Variants in PRIM2 observed in about 807,000 individuals in gnomAD.
The protein encoded by PRIM2 is DNA primase subunit 2, also known as DNA primase large subunit.
Under a neutral mutation model 67.3 loss-of-function variants are expected in PRIM2, and 39 were observed. The ratio of observed to expected loss-of-function variants is 0.58; its 90% CI spans 0.45 to 0.76. PRIM2 has a LOEUF of 0.76. Among genes scored for constraint, PRIM2 ranks in the 30% least tolerant of loss-of-function variants. The probability of loss-of-function intolerance (pLI) is 0.00; values close to 1 mark genes in which losing one functional copy is unlikely to be tolerated. For synonymous variants in PRIM2, 143 were observed against 198.7 expected, an observed-to-expected ratio of 0.72 and a Z score of 2.36; for missense variants, 398 against 598.7, an observed-to-expected ratio of 0.66 and a Z score of 3.50.
chr6:57,552,998 A>G (rs1775434162), intron 10 of PRIM2, among the ~76,000 whole-genome samples: 1 of 152,224 alleles, frequency 6.6e-6, no homozygotes, highest in African/African-American at 2.4e-5. Flanking sequence ...TAGACAGTGT[A>G]CTCAAAAACA....
chr6:57,479,301 A>G (rs1230277762), intron 7 of PRIM2, among the ~76,000 whole-genome samples: 1 of 152,182 alleles, frequency 6.6e-6, no homozygotes, highest in Non-Finnish European at 1.5e-5. Context: ...ATAGTAATCC[A>G]TTTGAAATTG....
the PRIM2 span, among the ~76,000 whole-genome samples, chr6:57,271,411 TGCGTA>T: frequency 6.6e-6 from 1 of 152,240 alleles, no homozygotes; most frequent in African/African-American, 2.4e-5. Flanking sequence ...CTAGTTTATT[TGCGTA>T]GAGGTGTTTA....
At chr6:57,334,312 C>T (rs911661142) in intron 5 of PRIM2, among the ~76,000 whole-genome samples, 7 of 151,844 alleles carry the variant, frequency 4.6e-5, no homozygotes, top group Admixed American at 6.6e-5. Context: ...ATGTATCTAT[C>T]GGTGGACACT....
chr6:57,627,279 CAAAAAAAAAAAAAAA>C (rs1158722297), intron 12 of PRIM2, among the ~76,000 whole-genome samples: 3 of 24,538 alleles, frequency 1.2e-4, no homozygotes, highest in African/African-American at 1.2e-4. Context: ...GACTCTGTCT[CAAAAAAAAAAAAAAA>C]AAAAAAAAAA....
chr6:57,234,953 G>A, the PRIM2 span, among the ~76,000 whole-genome samples: 66 of 152,242 alleles, frequency 4.3e-4, no homozygotes, highest in African/African-American at 1.5e-3. Context: ...CCAGAGGATC[G>A]TCGGAGCCAA....
At chr6:57,588,506 T>C (rs1471478880) in intron 10 of PRIM2, among the ~76,000 whole-genome samples, 1 of 151,274 alleles carries the variant, frequency 6.6e-6, no homozygotes, top group Non-Finnish European at 1.5e-5. Context: ...AAATAGACAA[T>C]TCTCTGGTGA....
chr6:57,364,073 GT>G (rs72377931), intron 5 of PRIM2, among the ~76,000 whole-genome samples: 1,757 of 133,182 alleles, frequency 0.013, 29 homozygotes, highest in African/African-American at 0.038. Context: ...TAATTTATTT[GT>G]TTTTTTTTTT....
chr6:57,537,858 G>C (rs1413139187), intron 10 of PRIM2, among the ~76,000 whole-genome samples: 1 of 152,136 alleles, frequency 6.6e-6, no homozygotes, highest in Non-Finnish European at 1.5e-5. Flanking sequence ...GTAATTATAA[G>C]ACTGAAATTG....
intron 7 of PRIM2, among the ~76,000 whole-genome samples, chr6:57,484,716 T>C (rs1773714279): frequency 6.6e-6 from 1 of 152,190 alleles, no homozygotes; most frequent in African/African-American, 2.4e-5. Flanking sequence ...TTGCTTTTTC[T>C]TCATCCTTCA....
intron 5 of PRIM2, among the ~76,000 whole-genome samples, chr6:57,335,294 C>T (rs567698011): frequency 3.2e-4 from 49 of 152,354 alleles, no homozygotes; most frequent in East Asian, 2.5e-3. Flanking sequence ...GAGGGGCGCC[C>T]GCCATTGCCC....
At position 57,646,628 on chromosome 6, in the gene PRIM2, T is replaced by C. The variant is rs2127503547; in HGVS notation, c.*470T>C. 3 of 152,656 alleles carry C rather than the reference T, an allele frequency of 2.0e-5. No homozygotes were observed. The South Asian group carries it at 6.2e-4, about 32-fold the overall frequency. 9.5% of individuals were successfully genotyped at this position (152,656 alleles called of 1,614,324 possible). On this transcript the variant is annotated 3_prime_UTR_variant, in exon 14 of 14. Transcript: ENST00000615550. ...GAGGTAACAACAGAGACTTTCACTA[T>C]ATTTTGCTTTGACAGAAGGAAAGAG...
intron 7 of PRIM2, among the ~76,000 whole-genome samples, chr6:57,441,376 ATTTTTCTTT>A (rs1352761606): frequency 2.0e-5 from 3 of 152,130 alleles, no homozygotes; most frequent in African/African-American, 4.8e-5. Flanking sequence ...GTACATTAAC[ATTTTTCTTT>A]TTTTTCTTTT....
intron 12 of PRIM2, among the ~76,000 whole-genome samples, chr6:57,627,895 C>T (rs1776980120): frequency 6.6e-6 from 1 of 152,090 alleles, no homozygotes; most frequent in Admixed American, 6.5e-5. Flanking sequence ...TATGATTGTT[C>T]AAAATGTTTG....
intron 1 of PRIM2, 45 bp from the exon 2 acceptor site, chr6:57,318,392 C>G (rs990388135): frequency 2.3e-5 from 34 of 1,499,818 alleles, no homozygotes; most frequent in Non-Finnish European, 2.9e-5. Flanking sequence ...TTTCCCCCAA[C>G]TTTGTTTTCC....
At chr6:57,310,500 T>C (rs1767360095), upstream of PRIM2, among the ~76,000 whole-genome samples, 1 of 152,256 alleles carries the variant, frequency 6.6e-6, no homozygotes, top group Admixed American at 6.5e-5. Flanking sequence ...TTCCCCGCAT[T>C]TCTCCCTTTT....
At chr6:57,301,800 C>G in the PRIM2 span, among the ~76,000 whole-genome samples, 1 of 151,986 alleles carries the variant, frequency 6.6e-6, no homozygotes, top group Non-Finnish European at 1.5e-5. Flanking sequence ...CTAGCCTGGG[C>G]GACAGGGCAA....
the PRIM2 span, among the ~76,000 whole-genome samples, chr6:57,269,287 C>T: frequency 1.3e-5 from 2 of 152,034 alleles, no homozygotes; most frequent in Non-Finnish European, 2.9e-5. Flanking sequence ...ACATCCTCTC[C>T]AGCACCTGTT....
intron 7 of PRIM2, among the ~76,000 whole-genome samples, chr6:57,449,005 C>T (rs1772448500): frequency 6.6e-6 from 1 of 152,104 alleles, no homozygotes; most frequent in Non-Finnish European, 1.5e-5. Context: ...CTCTGGGGTC[C>T]TCTTGGCCAA....
chr6:57,400,406 A>G (rs1287651263), intron 7 of PRIM2, among the ~76,000 whole-genome samples: 4 of 152,156 alleles, frequency 2.6e-5, no homozygotes, highest in Non-Finnish European at 5.9e-5. Flanking sequence ...GGTTTCTTTA[A>G]TAAATATTGA....
Sources: gnomAD v4.1 joint callset for allele counts (sites outside exome capture counted in the v4.1 genomes callset) on GRCh38, gnomAD v4.1.1 for gene constraint, MANE v1.5 for transcripts, NCBI Gene and HGNC (gene_info 2026-07-23, HGNC 2026-07-21) for gene names.